The following PDE7B variants were observed in gnomAD, a reference collection of about 807,000 sequenced individuals.
PDE7B encodes 3',5'-cyclic-AMP phosphodiesterase 7B.
PDE7B carries 29 observed loss-of-function variants against 56.2 expected under a neutral mutation model. The observed-to-expected ratio is 0.52, with a 90% confidence interval of 0.38 to 0.70. PDE7B has a LOEUF of 0.70. Among genes scored for constraint, PDE7B ranks in the 30% least tolerant of loss-of-function variants. The pLI, the probability that PDE7B is intolerant of heterozygous loss-of-function variation, is 0.00. For missense variants in PDE7B, 490 were observed against 565.0 expected, an observed-to-expected ratio of 0.87 and a Z score of 1.35; for synonymous variants, 197 against 196.9, an observed-to-expected ratio of 1.00 and a Z score of 0.00.
At chr6:135,998,347 T>C (rs1775602824) in intron 2 of PDE7B, among the ~76,000 whole-genome samples, 1 of 152,206 alleles carries the variant, frequency 6.6e-6, no homozygotes, top group African/African-American at 2.4e-5. Context: ...GTCGACTAAG[T>C]AGAAACATAT....
chr6:136,008,469 A>G (rs1183136459), intron 2 of PDE7B, among the ~76,000 whole-genome samples: 13 of 152,098 alleles, frequency 8.5e-5, no homozygotes, highest in Admixed American at 8.5e-4. Context: ...AAGTGTTCCT[A>G]TTTCTCCACA....
intron 6 of PDE7B, among the ~76,000 whole-genome samples, chr6:136,152,663 G>A (rs1778539694): frequency 6.6e-6 from 1 of 152,176 alleles, no homozygotes; most frequent in Admixed American, 6.5e-5. Context: ...AATTTTTCAG[G>A]GGACATTTCT....
chr6:135,875,987 A>G (rs1775483635), intron 1 of PDE7B, among the ~76,000 whole-genome samples: 2 of 152,112 alleles, frequency 1.3e-5, no homozygotes, highest in Admixed American at 6.5e-5. Flanking sequence ...ATTAGAAACA[A>G]GAGATTTGGG....
chr6:136,117,243 A>G (rs1242342527), intron 3 of PDE7B: 1 of 152,238 alleles, frequency 6.6e-6, no homozygotes, highest in Non-Finnish European at 1.5e-5. Flanking sequence ...CCTATGAGTC[A>G]CTGAGCTAAA....
chr6:136,147,129 GAGACCC>G (rs1047992818), intron 3 of PDE7B, among the ~76,000 whole-genome samples: 1 of 150,862 alleles, frequency 6.6e-6, no homozygotes, highest in Non-Finnish European at 1.5e-5. Flanking sequence ...ATGACAGTGT[GAGACCC>G]AGTCTCAAAA....
chr6:136,020,422 C>T lies in PDE7B; in HGVS notation c.82+72898C>T, dbSNP rs151246805. ...ATATACATTTATAAATATTTACATA[C>T]GCATATGTTATACCACTTAATACAT... On this transcript the variant is annotated intron_variant, in intron 2 of 12. Transcript: ENST00000308191. Among the ~76,000 whole-genome samples the T allele has an allele frequency of 4.0e-3, 602 of 152,190 alleles. 4 individuals carry two copies. The highest frequency in any genetic ancestry group is 0.014 in the African/African-American group (565 of 41,512).
intron 1 of PDE7B, among the ~76,000 whole-genome samples, chr6:135,926,288 C>T (rs544000307): frequency 1.2e-4 from 19 of 152,180 alleles, no homozygotes; most frequent in African/African-American, 3.6e-4. Context: ...AGGGTTTCAC[C>T]GTGTTAGCCA....
chr6:135,957,958 A>G (rs1411571362), intron 2 of PDE7B, among the ~76,000 whole-genome samples: 4 of 152,056 alleles, frequency 2.6e-5, no homozygotes, highest in Non-Finnish European at 5.9e-5. Flanking sequence ...TCCAGCCAGA[A>G]CAGTGGTTCA....
At position 135,929,422 on chromosome 6, in the gene PDE7B, G is replaced by C. The variant is rs117563931; in HGVS notation, c.22-18042G>C. Among the ~76,000 whole-genome samples, 1,241 of 152,210 alleles carry C rather than the reference G, an allele frequency of 8.2e-3. 5 individuals are homozygous for C. Among genetic ancestry groups the C allele is most frequent in the Middle Eastern group, 0.02 (6 of 294 alleles). On this transcript the variant is annotated intron_variant, in intron 1 of 12. Coordinates refer to ENST00000308191, the MANE Select transcript of PDE7B (RefSeq NM_018945.4). ...ATGTAGCTTGTTAGAATTGAGTTTT[G>C]CTATAAGTATAAAATATACTGCAGA...
chr6:136,042,364 G>T (rs997138134), intron 2 of PDE7B, among the ~76,000 whole-genome samples: 2 of 152,182 alleles, frequency 1.3e-5, no homozygotes, highest in Non-Finnish European at 2.9e-5. Context: ...AGCAGGACTT[G>T]TTCTTAGTTG....
At chr6:136,180,499 G>C (rs1008019156) in intron 10 of PDE7B, among the ~76,000 whole-genome samples, 4 of 152,106 alleles carry the variant, frequency 2.6e-5, no homozygotes, top group African/African-American at 9.7e-5. Context: ...ATGATCCAAG[G>C]GTCTTCCAGA....
chr6:135,949,141 C>T (rs529687016), intron 2 of PDE7B, among the ~76,000 whole-genome samples: 3 of 152,078 alleles, frequency 2.0e-5, no homozygotes, highest in Admixed American at 2.0e-4. Flanking sequence ...CTGCAGGTAC[C>T]TTACTACCAC....
At chr6:135,931,462 G>A (rs2128197034) in intron 1 of PDE7B, among the ~76,000 whole-genome samples, 1 of 152,292 alleles carries the variant, frequency 6.6e-6, no homozygotes, top group South Asian at 2.1e-4. Context: ...AAAGGGCTCT[G>A]AAAGAATGTT....
At chr6:136,036,901 A>G (rs1776333045) in intron 2 of PDE7B, among the ~76,000 whole-genome samples, 1 of 152,318 alleles carries the variant, frequency 6.6e-6, no homozygotes, top group Middle Eastern at 3.4e-3. Flanking sequence ...TTGCTGGCAA[A>G]AGTGCCAAAT....
At chr6:136,128,614 C>A (rs1778064077) in intron 3 of PDE7B, among the ~76,000 whole-genome samples, 1 of 152,172 alleles carries the variant, frequency 6.6e-6, no homozygotes, top group African/African-American at 2.4e-5. Context: ...ACTTTTACCC[C>A]TTCCTTACTC....
chr6:135,944,551 A>G (rs943852669), intron 1 of PDE7B, among the ~76,000 whole-genome samples: 1 of 152,192 alleles, frequency 6.6e-6, no homozygotes, highest in African/African-American at 2.4e-5. Context: ...GGAGGTGAAG[A>G]CAAGGAAGAG....
At chr6:136,051,309 T>C (rs1021780274) in intron 2 of PDE7B, among the ~76,000 whole-genome samples, 5 of 152,194 alleles carry the variant, frequency 3.3e-5, no homozygotes, top group African/African-American at 1.2e-4. Flanking sequence ...AGAAAAGCTG[T>C]AATCATAAGA....
At chr6:136,015,538 A>G (rs1250879489) in intron 2 of PDE7B, among the ~76,000 whole-genome samples, 4 of 152,224 alleles carry the variant, frequency 2.6e-5, no homozygotes, top group Non-Finnish European at 5.9e-5. Context: ...CCGCCTGAGA[A>G]TAAGTAATAT....
At chr6:136,154,527 T>C (rs937583048) in intron 7 of PDE7B, among the ~76,000 whole-genome samples, 2 of 152,108 alleles carry the variant, frequency 1.3e-5, no homozygotes, top group African/African-American at 2.4e-5. Flanking sequence ...AGCACCAGCA[T>C]TGAACTTTGT....
Sources: allele counts gnomAD v4.1 joint callset (sites outside exome capture counted in the v4.1 genomes callset), GRCh38; gene constraint gnomAD v4.1.1; transcripts MANE v1.5; gene names NCBI Gene and HGNC (gene_info 2026-07-23, HGNC 2026-07-21).